SGCZ: variants seen among roughly 807,000 people sequenced by gnomAD.
SGCZ encodes the protein sarcoglycan zeta.
Under a neutral mutation model 41.3 loss-of-function variants are expected in SGCZ, and 40 were observed. That is an observed-to-expected ratio of 0.97 (90% confidence interval 0.75 to 1.26). The LOEUF (loss-of-function observed/expected upper bound fraction) is 1.26. Among genes scored for constraint, SGCZ ranks in the 50% most tolerant of loss-of-function variants. SGCZ has a pLI of 0.00. For synonymous variants in SGCZ, 206 were observed against 137.5 expected, an observed-to-expected ratio of 1.50 and a Z score of -3.49; for missense variants, 552 against 369.8, an observed-to-expected ratio of 1.49 and a Z score of -4.04.
At chr8:15,076,189 T>C (rs1161127487) in intron 1 of SGCZ, among the ~76,000 whole-genome samples, 1 of 152,186 alleles carries the variant, frequency 6.6e-6, no homozygotes, top group African/African-American at 2.4e-5. Context: ...TTCTTAGAAA[T>C]TTTTCATGAC....
chr8:14,444,733 A>C (rs919366925), intron 2 of SGCZ, among the ~76,000 whole-genome samples: 2 of 151,990 alleles, frequency 1.3e-5, no homozygotes, highest in African/African-American at 2.4e-5. Context: ...TAATGGGTGC[A>C]GCACACCCGC....
At chr8:14,828,168 A>C (rs1802402112) in intron 1 of SGCZ, among the ~76,000 whole-genome samples, 1 of 152,194 alleles carries the variant, frequency 6.6e-6, no homozygotes, top group African/African-American at 2.4e-5. Context: ...AAAGCACGGA[A>C]TCTTTACAAA....
intron 1 of SGCZ, among the ~76,000 whole-genome samples, chr8:14,878,777 A>C (rs892487731): frequency 2.0e-5 from 3 of 152,190 alleles, no homozygotes; most frequent in Non-Finnish European, 2.9e-5. Flanking sequence ...ACTCCACCTT[A>C]AGGAGAAAGT....
At chr8:15,170,549 C>T (rs1178745891) in intron 1 of SGCZ, among the ~76,000 whole-genome samples, 1 of 152,202 alleles carries the variant, frequency 6.6e-6, no homozygotes, top group Non-Finnish European at 1.5e-5. Flanking sequence ...TCTTCTTCAA[C>T]AGACTGGGGA....
intron 2 of SGCZ, among the ~76,000 whole-genome samples, chr8:14,434,435 G>T (rs1226808265): frequency 6.6e-6 from 1 of 152,114 alleles, no homozygotes. Context: ...GTTTAGTCTT[G>T]CTTAGACCAT....
At chr8:14,420,243 T>C (rs1376827247) in intron 2 of SGCZ, among the ~76,000 whole-genome samples, 1 of 152,014 alleles carries the variant, frequency 6.6e-6, no homozygotes. Context: ...TTAATGATTC[T>C]CCTAAAGAAG....
chr8:14,095,876 G>A (rs1801828989), intron 7 of SGCZ, among the ~76,000 whole-genome samples: 1 of 152,062 alleles, frequency 6.6e-6, no homozygotes, highest in African/African-American at 2.4e-5. Context: ...TTGTGAGTGG[G>A]AGTTGACTCA....
chr8:14,516,286 C>G (rs1260684948), intron 2 of SGCZ, among the ~76,000 whole-genome samples: 1 of 151,422 alleles, frequency 6.6e-6, no homozygotes, highest in Non-Finnish European at 1.5e-5. Context: ...TTTTTTGCTC[C>G]TCTTCCTCCT....
intron 1 of SGCZ, among the ~76,000 whole-genome samples, chr8:14,822,790 C>T (rs1802152226): frequency 6.6e-6 from 1 of 152,018 alleles, no homozygotes; most frequent in South Asian, 2.1e-4. Flanking sequence ...CAAAAATAGA[C>T]TGCTCCCTTT....
chr8:14,935,016 C>CAAA (rs35275361), intron 1 of SGCZ, among the ~76,000 whole-genome samples: 3 of 98,214 alleles, frequency 3.1e-5, no homozygotes, highest in Admixed American at 1.0e-4. Context: ...AGACAAAATG[C>CAAA]AAAAAAAAAA....
intron 1 of SGCZ, among the ~76,000 whole-genome samples, chr8:14,996,745 T>A (rs967836812): frequency 6.6e-5 from 10 of 152,206 alleles, no homozygotes; most frequent in Admixed American, 4.6e-4. Flanking sequence ...AGGTCTTGGT[T>A]GTCCGTGGCC....
intron 1 of SGCZ, among the ~76,000 whole-genome samples, chr8:15,141,040 C>T (rs1808301551): frequency 2.6e-5 from 4 of 152,236 alleles, no homozygotes; most frequent in African/African-American, 9.6e-5. Context: ...ACTCTGGCTA[C>T]ATCTTACATT....
Position 14,876,836 on chromosome 8 carries a change from C to T in SGCZ, c.40-321910G>A, listed in dbSNP as rs1024463568. Among the ~76,000 whole-genome samples the T allele has an allele frequency of 5.9e-5, 9 of 152,170 alleles. No individual in the cohort carries two copies. In the South Asian group the frequency reaches 1.9e-3, roughly 32 times the overall value. Reference sequence around the variant, plus strand: ...GCTACCAGATGACATTCACTAAGTTCTGCTGTTCCTCAGGCCACCTCTCTG... The same window carrying T: ...GCTACCAGATGACATTCACTAAGTTTTGCTGTTCCTCAGGCCACCTCTCTG... On this transcript the variant is annotated intron_variant, in intron 1 of 7. Transcript: ENST00000382080.
intron 2 of SGCZ, among the ~76,000 whole-genome samples, chr8:14,449,595 C>T (rs1241857150): frequency 3.9e-5 from 6 of 152,266 alleles, no homozygotes; most frequent in Middle Eastern, 3.4e-3. Context: ...CCTCTACTCC[C>T]TCCATCGTCC....
intron 1 of SGCZ, among the ~76,000 whole-genome samples, chr8:14,996,988 G>A (rs538717649): frequency 6.6e-6 from 1 of 152,144 alleles, no homozygotes; most frequent in Non-Finnish European, 1.5e-5. Flanking sequence ...GCTCTTTTGT[G>A]TTCATTTGAA....
chr8:15,099,715 CA>C (rs1806529111), intron 1 of SGCZ, among the ~76,000 whole-genome samples: 1 of 152,052 alleles, frequency 6.6e-6, no homozygotes, highest in African/African-American at 2.4e-5. Context: ...AAAATATTAG[CA>C]AATTGAATCC....
chr8:14,112,283 TGGG>T (rs796504633), intron 5 of SGCZ, among the ~76,000 whole-genome samples: 2 of 113,802 alleles, frequency 1.8e-5, no homozygotes, highest in African/African-American at 6.4e-5. Context: ...TTTTTTTTTG[TGGG>T]GGGGGGGTGC....
intron 4 of SGCZ, among the ~76,000 whole-genome samples, chr8:14,234,515 A>C (rs1255250816): frequency 6.6e-6 from 1 of 152,132 alleles, no homozygotes; most frequent in Non-Finnish European, 1.5e-5. Flanking sequence ...AAATCGATGC[A>C]TTCTATTGGT....
At chr8:14,842,894 AT>A (rs1464356728) in intron 1 of SGCZ, among the ~76,000 whole-genome samples, 2 of 152,176 alleles carry the variant, frequency 1.3e-5, no homozygotes, top group African/African-American at 4.8e-5. Context: ...CATTTTTCTC[AT>A]CTGCCAATGA....
Sources: allele counts gnomAD v4.1 joint callset (sites outside exome capture counted in the v4.1 genomes callset), GRCh38; gene constraint gnomAD v4.1.1; transcripts MANE v1.5; gene names NCBI Gene and HGNC (gene_info 2026-07-23, HGNC 2026-07-21).